SETD2: variants seen among roughly 807,000 people sequenced by gnomAD.
SETD2 encodes the protein histone-lysine N-methyltransferase SETD2.
In SETD2, 31 loss-of-function variants were observed where a neutral mutation model predicts 242.1. That is an observed-to-expected ratio of 0.13 (90% CI 0.10 to 0.17). SETD2 has a LOEUF of 0.17. Ranked by LOEUF, SETD2 falls within the 10% of genes least tolerant of loss-of-function variation. The probability of loss-of-function intolerance (pLI) is 1.00; values close to 1 mark genes in which losing one functional copy is unlikely to be tolerated. For synonymous variants in SETD2, 1,006 were observed against 1,066.5 expected, an observed-to-expected ratio of 0.94 and a Z score of 1.11; for missense variants, 2,481 against 3,046.3, an observed-to-expected ratio of 0.81 and a Z score of 4.37.
At chr3:47,151,280 G>A (rs1047453090) in intron 1 of SETD2, among the ~76,000 whole-genome samples, 3 of 152,038 alleles carry the variant, frequency 2.0e-5, no homozygotes, top group African/African-American at 7.2e-5. Context: ...TTGAAACTTC[G>A]TATTAATAAT....
chr3:47,096,913 G>C (rs2042032011), intron 9 of SETD2, among the ~76,000 whole-genome samples: 1 of 152,058 alleles, frequency 6.6e-6, no homozygotes, highest in Admixed American at 6.6e-5. Flanking sequence ...TTTTTTAACG[G>C]ACCTTTCCAA....
At chr3:47,035,669 G>A (rs558888940) in intron 18 of SETD2, among the ~76,000 whole-genome samples, 16 of 152,124 alleles carry the variant, frequency 1.1e-4, no homozygotes, top group Admixed American at 3.9e-4. Context: ...TAATAGTTAC[G>A]GTGCCCATGA....
In SETD2 at chr3:47,122,159, T is replaced by G; in HGVS notation, c.2477A>C (p.Asn826Thr). 1 of 1,613,988 alleles carries G rather than the reference T, an allele frequency of 6.2e-7. No individual in the cohort carries two copies. The highest frequency in any genetic ancestry group is 1.1e-5 in the South Asian group (1 of 91,080). The change falls in exon 3 of 21, where the codon AAT becomes ACT. Residue 826 changes from asparagine (N) to threonine (T), a missense_variant. By Grantham distance (65) the Asn-to-Thr change is moderately conservative. Around this residue, in one of 17 missense-constraint regions of SETD2, gnomAD observed 1,300 missense variants for 1,259.2 expected, o/e 1.03. Coordinates refer to ENST00000409792, the MANE Select transcript of SETD2 (RefSeq NM_014159.7). ...AACTGGTTTTGATTCCAAATGCACA[T>G]TCATAAAGCTATTTGAAGAAATCTT... ...VMKISSNSFM[N>T]VHLESKPVIC...
At chr3:47,157,418 T>C (rs2044150106) in intron 1 of SETD2, 2 of 446,164 alleles carry the variant, frequency 4.5e-6, no homozygotes, top group Admixed American at 2.5e-5. Flanking sequence ...AAAAAATTAA[T>C]ATAGAATCTG....
intron 12 of SETD2, among the ~76,000 whole-genome samples, chr3:47,070,298 CTATTTACTG>C (rs2040765495): frequency 1.3e-5 from 2 of 152,164 alleles, no homozygotes; most frequent in South Asian, 4.1e-4. Context: ...CCAGGAGCTA[CTATTTACTG>C]TGTGCCTAAT....
rs370730830 is a variant in SETD2, at chr3:47,163,942, G to A, written c.-18C>T. 3,660 of 1,283,174 alleles carry A rather than the reference G, an allele frequency of 2.9e-3. 10 individuals are homozygous for A. Among genetic ancestry groups the A allele is most frequent in the Non-Finnish European group, 3.3e-3 (3,380 of 1,009,322 alleles). 79.5% of individuals were successfully genotyped at this position (1,283,174 alleles called of 1,614,324 possible). On this transcript the variant is annotated 5_prime_UTR_variant, in exon 1 of 21. Coordinates refer to ENST00000409792, the MANE Select transcript of SETD2 (RefSeq NM_014159.7). ...TGCTTCATCGGGAGCGGCTGGAGAC[G>A]GCGACGCGAGCCCCCTCCCCGCAGC...
rs577171550 is a variant in SETD2, at chr3:47,027,524, C to A, written c.7351-7684G>T. 8.6e-5 allele frequency among the ~76,000 whole-genome samples: 13 copies of A among 151,738 alleles called. No individual in the cohort carries two copies. In the East Asian group the frequency reaches 2.3e-3, roughly 27 times the overall value. On this transcript the variant is annotated intron_variant, in intron 18 of 20. Coordinates refer to ENST00000409792, the MANE Select transcript of SETD2 (RefSeq NM_014159.7). ...CGTGTATACATATGTAACAAACCTG[C>A]ACATTGTGCACATGTACCCTAAAAC...
intron 14 of SETD2, among the ~76,000 whole-genome samples, chr3:47,061,429 G>A (rs953489786): frequency 1.3e-5 from 2 of 151,776 alleles, no homozygotes; most frequent in African/African-American, 4.8e-5. Flanking sequence ...CCTTTTCAAG[G>A]ACAGCACCTT....
intron 18 of SETD2, among the ~76,000 whole-genome samples, chr3:47,032,553 A>AC (rs1183334735): frequency 2.6e-5 from 4 of 152,112 alleles, no homozygotes; most frequent in Admixed American, 2.6e-4. Flanking sequence ...ACAAAAAAAA[A>AC]CCAGAATACT....
intron 1 of SETD2, among the ~76,000 whole-genome samples, chr3:47,142,670 CTTTT>C (rs376806677): frequency 1.4e-4 from 19 of 139,664 alleles, no homozygotes; most frequent in Non-Finnish European, 2.8e-4. Context: ...TATACATTGT[CTTTT>C]TTTTTTTTTT....
At chr3:47,059,108 CTTTTTT>C (rs111615859) in intron 14 of SETD2, among the ~76,000 whole-genome samples, 1 of 104,550 alleles carries the variant, frequency 9.6e-6, no homozygotes, top group Non-Finnish European at 1.8e-5. Context: ...CACGCCTGGC[CTTTTTT>C]TTTTTTTTTT....
intron 1 of SETD2, chr3:47,163,466 C>T (rs1436710405): frequency 6.6e-6 from 1 of 152,582 alleles, no homozygotes; most frequent in African/African-American, 2.4e-5. Flanking sequence ...GCACCGGCAG[C>T]TCCTCCGACT....
chr3:47,071,729 T>G (rs1486543454), intron 12 of SETD2, among the ~76,000 whole-genome samples: 1 of 151,326 alleles, frequency 6.6e-6, no homozygotes, highest in Non-Finnish European at 1.5e-5. Context: ...TAACTCGAAA[T>G]AGTATGTTCC....
At chr3:47,040,555 CAT>C (rs1229194612) in intron 17 of SETD2, among the ~76,000 whole-genome samples, 1 of 136,946 alleles carries the variant, frequency 7.3e-6, no homozygotes, top group East Asian at 2.2e-4. Context: ...AAATAGATGA[CAT>C]GAGGGAAAAG....
intron 14 of SETD2, among the ~76,000 whole-genome samples, chr3:47,061,099 T>C (rs1435650697): frequency 6.6e-6 from 1 of 152,132 alleles, no homozygotes; most frequent in Non-Finnish European, 1.5e-5. Flanking sequence ...GCACCTGTAG[T>C]TCCAGCTACT....
At chr3:47,149,460 G>C (rs867081108) in intron 1 of SETD2, among the ~76,000 whole-genome samples, 21 of 152,202 alleles carry the variant, frequency 1.4e-4, no homozygotes, top group Middle Eastern at 6.9e-3. Context: ...CCCTACACTA[G>C]ACACCTCTTA....
chr3:47,157,935 T>C (rs562848116), intron 1 of SETD2, among the ~76,000 whole-genome samples: 1 of 151,338 alleles, frequency 6.6e-6, no homozygotes, highest in Non-Finnish European at 1.5e-5. Flanking sequence ...TAAATTCTCA[T>C]AAAACCCTTT....
rs765319535 is a variant in SETD2 at position 47,086,270 on chromosome 3, A to G, written c.5322T>C (p.His1774=). 7 of 1,613,300 alleles carry G rather than the reference A, an allele frequency of 4.3e-6. No individual in the cohort carries two copies. The South Asian group carries it at 5.5e-5, about 13-fold the overall frequency. Residue 1774 remains histidine (H), a synonymous_variant, in exon 11 of 21, where the codon CAT becomes CAC. Coordinates refer to ENST00000409792, the MANE Select transcript of SETD2 (RefSeq NM_014159.7). ...TCCAGATCCACAACAAAGACAGCCC[A>G]TGACGTTCCAGAAAGGACTTCAGGC... ...QSCLKSFLER[H]GLSLLWIWMA... is the part of the protein sequence containing the mutation.
intron 15 of SETD2, among the ~76,000 whole-genome samples, chr3:47,051,107 A>G (rs531854321): frequency 7.6e-5 from 11 of 144,754 alleles, no homozygotes; most frequent in African/African-American, 2.5e-4. Flanking sequence ...TTGTCTCCCT[A>G]CATTTTTTTT....
Sources: gnomAD v4.1 joint callset for allele counts (sites outside exome capture counted in the v4.1 genomes callset) on GRCh38, gnomAD v4.1.1 for gene constraint, gnomAD v4.1.1 regional missense constraint, MANE v1.5 for transcripts, NCBI Gene and HGNC (gene_info 2026-07-23, HGNC 2026-07-21) for gene names.